ZMIZ1: variants seen among roughly 807,000 people sequenced by gnomAD.
The protein encoded by ZMIZ1 is zinc finger MIZ domain-containing protein 1.
A neutral mutation model predicts 113.9 loss-of-function variants in ZMIZ1; 17 were observed. The observed-to-expected ratio is 0.15, with a 90% CI of 0.10 to 0.22. The LOEUF is 0.22. ZMIZ1 is among the 10% of genes least tolerant of loss of function. The pLI, the probability that ZMIZ1 is intolerant of heterozygous loss-of-function variation, is 1.00. For missense variants in ZMIZ1, 1,059 were observed against 1,477.8 expected (o/e 0.72, Z 4.65); for synonymous variants, 607 against 603.1 (o/e 1.01, Z -0.09).
intron 2 of ZMIZ1, among the ~76,000 whole-genome samples, chr10:79,126,619 G>A (rs1320648178): frequency 6.6e-6 from 1 of 152,230 alleles, no homozygotes; most frequent in Non-Finnish European, 1.5e-5. Flanking sequence ...AATGAGGCTG[G>A]AGGTGCCCCC....
chr10:79,145,264 A>G (rs1201506228), intron 3 of ZMIZ1, among the ~76,000 whole-genome samples: 1 of 151,152 alleles, frequency 6.6e-6, no homozygotes, highest in African/African-American at 2.4e-5. Flanking sequence ...TCACATTTCC[A>G]TCCCAGTGCT....
chr10:79,160,380 A>T (rs540289165), intron 3 of ZMIZ1, among the ~76,000 whole-genome samples: 2 of 152,220 alleles, frequency 1.3e-5, no homozygotes, highest in Non-Finnish European at 2.9e-5. Context: ...TCCAGCACTC[A>T]TGGAGCCCAG....
chr10:79,278,710 C>A (rs1852473112), intron 8 of ZMIZ1, among the ~76,000 whole-genome samples: 1 of 151,794 alleles, frequency 6.6e-6, no homozygotes, highest in Admixed American at 6.6e-5. Flanking sequence ...ATCCATTTAA[C>A]CCTTAGTGGA....
At chr10:79,092,601 C>T (rs1240141087) in intron 1 of ZMIZ1, among the ~76,000 whole-genome samples, 3 of 152,226 alleles carry the variant, frequency 2.0e-5, no homozygotes, top group Non-Finnish European at 4.4e-5. Flanking sequence ...CTTGGAACCT[C>T]GGCCAAGAGG....
chr10:79,219,245 A>T (rs1035421337), intron 7 of ZMIZ1, among the ~76,000 whole-genome samples: 1 of 152,180 alleles, frequency 6.6e-6, no homozygotes, highest in East Asian at 1.9e-4. Flanking sequence ...TCCCCAGAGG[A>T]GCAGGAGAGA....
intron 7 of ZMIZ1, among the ~76,000 whole-genome samples, chr10:79,246,309 C>T (rs1262784918): frequency 1.3e-5 from 2 of 152,244 alleles, no homozygotes; most frequent in African/African-American, 2.4e-5. Context: ...TGCCAGTAGG[C>T]GTCAGTCCCT....
chr10:79,292,600 T>C (rs1305267354), intron 11 of ZMIZ1, among the ~76,000 whole-genome samples: 1 of 152,112 alleles, frequency 6.6e-6, no homozygotes, highest in African/African-American at 2.4e-5. Flanking sequence ...TGGTGTTTGT[T>C]CTGTGTGTTG....
At chr10:79,126,186 T>C (rs1844502136) in intron 2 of ZMIZ1, among the ~76,000 whole-genome samples, 1 of 152,198 alleles carries the variant, frequency 6.6e-6, no homozygotes, top group African/African-American at 2.4e-5. Context: ...GGCCGGGATT[T>C]GTAGGCCCAA....
chr10:79,307,288 T>C (rs1854772945), intron 22 of ZMIZ1, 117 bp from the exon 23 acceptor site: 2 of 1,067,772 alleles, frequency 1.9e-6, no homozygotes, highest in South Asian at 1.5e-5. Context: ...TGTGACCTAC[T>C]ACAGCCTCGC....
intron 7 of ZMIZ1, among the ~76,000 whole-genome samples, chr10:79,241,225 A>G (rs932007349): frequency 6.6e-6 from 1 of 152,196 alleles, no homozygotes; most frequent in African/African-American, 2.4e-5. Flanking sequence ...ATATTGTCCC[A>G]CCACATCTGT....
At chr10:79,157,108 C>T (rs934314839) in intron 3 of ZMIZ1, among the ~76,000 whole-genome samples, 20 of 150,262 alleles carry the variant, frequency 1.3e-4, no homozygotes, top group African/African-American at 4.1e-4. Flanking sequence ...AGTGACGAGA[C>T]GTAGAGCTGC....
intron 2 of ZMIZ1, among the ~76,000 whole-genome samples, chr10:79,138,996 G>A (rs1019223385): frequency 5.3e-5 from 8 of 152,098 alleles, no homozygotes; most frequent in African/African-American, 1.9e-4. Context: ...TGAAGTTTGG[G>A]GAGCACAATC....
At chr10:79,206,181 C>G (rs1189263018) in intron 5 of ZMIZ1, among the ~76,000 whole-genome samples, 1 of 151,882 alleles carries the variant, frequency 6.6e-6, no homozygotes. Flanking sequence ...AGCCTACAGG[C>G]CACACAAGCT....
intron 4 of ZMIZ1, among the ~76,000 whole-genome samples, chr10:79,201,276 C>T (rs557687698): frequency 2.0e-5 from 3 of 152,290 alleles, no homozygotes; most frequent in African/African-American, 7.2e-5. Context: ...CCATTGCACT[C>T]CAGCCTAGGT....
intron 6 of ZMIZ1, among the ~76,000 whole-genome samples, chr10:79,214,325 C>T (rs985781996): frequency 7.9e-5 from 12 of 152,176 alleles, no homozygotes; most frequent in Non-Finnish European, 1.2e-4. Context: ...GCAGCAGAGA[C>T]GTTGAGCAAG....
At position 79,293,469 on chromosome 10, in the gene ZMIZ1, C is replaced by T. The variant is rs764228848; in HGVS notation, c.1046C>T (p.Ala349Val). Residue 349 changes from alanine (A) to valine (V), a missense_variant, in exon 12 of 25, where the codon GCG becomes GTG. Around this residue, in one of 6 missense-constraint regions of ZMIZ1, gnomAD observed 83 missense variants for 103.7 expected, o/e 0.80. Transcript: ENST00000334512. ...TCCATGGGGGGCAGCATGAACCCCG[C>T]GAGCATGGCGGCTGGCATGACGCCC... ...PASMGGSMNP[A>V]SMAAGMTPSG... 33 of 1,564,284 alleles carry T rather than the reference C, an allele frequency of 2.1e-5. No homozygotes were observed. The East Asian group carries it at 5.0e-4, about 23-fold the overall frequency.
intron 2 of ZMIZ1, among the ~76,000 whole-genome samples, chr10:79,129,513 TG>T (rs150884587): frequency 0.032 from 4,888 of 152,202 alleles, 125 homozygotes; most frequent in Non-Finnish European, 0.05. Flanking sequence ...AGATTGTGCC[TG>T]CCCATCCCCC....
intron 7 of ZMIZ1, among the ~76,000 whole-genome samples, chr10:79,231,575 G>T (rs892368717): frequency 1.3e-5 from 2 of 150,306 alleles, no homozygotes; most frequent in South Asian, 2.1e-4. Flanking sequence ...TTGTTTGTTT[G>T]TTTTTTGTTT....
chr10:79,162,318 G>A (rs1846145373), intron 4 of ZMIZ1, among the ~76,000 whole-genome samples, 185 bp downstream of exon 4: 1 of 152,228 alleles, frequency 6.6e-6, no homozygotes, highest in Non-Finnish European at 1.5e-5. Flanking sequence ...CCTCTACCTG[G>A]CACCCAGGGA....
Sources: gnomAD v4.1 joint callset for allele counts (sites outside exome capture counted in the v4.1 genomes callset) on GRCh38, gnomAD v4.1.1 for gene constraint, gnomAD v4.1.1 regional missense constraint, MANE v1.5 for transcripts, NCBI Gene and HGNC (gene_info 2026-07-23, HGNC 2026-07-21) for gene names.